Variants in ANKRD36 observed in about 807,000 individuals in gnomAD.
ANKRD36 encodes ankyrin repeat domain-containing protein 36A.
ANKRD36 carries 179 observed loss-of-function variants against 278.1 expected under a neutral mutation model. That is an observed-to-expected ratio of 0.64 (90% confidence interval 0.57 to 0.73). ANKRD36 has a LOEUF of 0.73. ANKRD36 is among the 30% of genes least tolerant of loss of function. The probability of loss-of-function intolerance (pLI) is 0.00; values close to 1 mark genes in which losing one functional copy is unlikely to be tolerated. For missense variants in ANKRD36, 1,159 were observed against 1,956.7 expected (o/e 0.59, Z 7.69); for synonymous variants, 320 against 641.1 (o/e 0.50, Z 7.57).
intron 52 of ANKRD36, among the ~76,000 whole-genome samples, chr2:97,207,070 G>A (rs115597547): frequency 0.028 from 4,315 of 151,600 alleles, 259 homozygotes; most frequent in African/African-American, 0.098. Context: ...TCTAATGCTT[G>A]TAGCAGTCTT....
chr2:97,136,912 A>G (rs1559278218), intron 6 of ANKRD36, among the ~76,000 whole-genome samples: 1 of 152,070 alleles, frequency 6.6e-6, no homozygotes, highest in Non-Finnish European at 1.5e-5. Flanking sequence ...CATGTAAGGT[A>G]ACAAATTTTG....
intron 58 of ANKRD36, among the ~76,000 whole-genome samples, chr2:97,212,347 G>C (rs1576097480): frequency 6.6e-6 from 1 of 151,880 alleles, no homozygotes; most frequent in Non-Finnish European, 1.5e-5. Flanking sequence ...ACTACTAGAA[G>C]CAGGAAACTA....
intron 36 of ANKRD36, among the ~76,000 whole-genome samples, chr2:97,192,183 T>C (rs1023141026): frequency 1.5e-4 from 23 of 151,766 alleles, no homozygotes; most frequent in African/African-American, 4.6e-4. Flanking sequence ...GTGGCTAATA[T>C]ATTATCCTGT....
At chr2:97,184,599 C>G (rs1011249378) in intron 28 of ANKRD36, among the ~76,000 whole-genome samples, 2 of 151,600 alleles carry the variant, frequency 1.3e-5, no homozygotes, top group Non-Finnish European at 2.9e-5. Flanking sequence ...GGAGCCATTG[C>G]ATTTTGTATA....
At chr2:97,141,014 G>A (rs201424527) in intron 6 of ANKRD36, among the ~76,000 whole-genome samples, 1 of 151,506 alleles carries the variant, frequency 6.6e-6, no homozygotes, top group African/African-American at 2.4e-5. Context: ...TATGTTCTTC[G>A]TTCACATCAG....
In ANKRD36 at chr2:97,194,659, G is replaced by A; in HGVS notation, c.2450-67G>A. The stretch of plus-strand genomic sequence containing the variant: ...GAGGACAGAGGTTGATGCTAACACT[G>A]TGTGAATGTATGGATAACTTTATCA... On this transcript the variant is annotated intron_variant, in intron 38 of 75. Transcript: ENST00000420699. 3.1e-6 allele frequency: 5 copies of A among 1,590,304 alleles called. No individual in the cohort carries two copies. In the Admixed American group the frequency reaches 7.0e-5, roughly 22 times the overall value.
intron 28 of ANKRD36, among the ~76,000 whole-genome samples, chr2:97,183,872 A>G (rs1388922906): frequency 6.6e-6 from 1 of 151,694 alleles, no homozygotes; most frequent in Non-Finnish European, 1.5e-5. Flanking sequence ...TTGAATTTGG[A>G]TAGAAGAACC....
intron 1 of ANKRD36, among the ~76,000 whole-genome samples, chr2:97,116,582 A>AT (rs1415954016): frequency 1.3e-5 from 2 of 151,750 alleles, no homozygotes; most frequent in African/African-American, 4.8e-5. Flanking sequence ...CCTTATTTTT[A>AT]TTTTTTTGTT....
chr2:97,200,766 G>A (rs1188529789), intron 46 of ANKRD36, among the ~76,000 whole-genome samples: 5 of 151,894 alleles, frequency 3.3e-5, no homozygotes, highest in Non-Finnish European at 5.9e-5. Flanking sequence ...AGCAGTTGAA[G>A]ACATAAGGGG....
At chr2:97,127,713 T>C (rs2038989768) in intron 6 of ANKRD36, among the ~76,000 whole-genome samples, 1 of 152,004 alleles carries the variant, frequency 6.6e-6, no homozygotes, top group South Asian at 2.1e-4. Context: ...CTACTCTCAA[T>C]CTAGTGTAAG....
intron 14 of ANKRD36, among the ~76,000 whole-genome samples, chr2:97,153,123 A>C (rs2046516399): frequency 6.6e-6 from 1 of 152,310 alleles, no homozygotes; most frequent in African/African-American, 2.4e-5. Context: ...GTGCTTGGAG[A>C]ATATCTAAAT....
At chr2:97,197,803 T>G (rs1302222684) in intron 42 of ANKRD36, among the ~76,000 whole-genome samples, 1 of 151,882 alleles carries the variant, frequency 6.6e-6, no homozygotes, top group Non-Finnish European at 1.5e-5. Flanking sequence ...TATCCTTTGG[T>G]GCCAAGACTG....
intron 6 of ANKRD36, among the ~76,000 whole-genome samples, chr2:97,137,626 A>G (rs201443728): frequency 8.5e-5 from 13 of 152,064 alleles, no homozygotes; most frequent in Admixed American, 2.0e-4. Context: ...ATGCCCAGTA[A>G]TGGGATTACT....
chr2:97,120,386 T>C (rs1470938319), intron 3 of ANKRD36, among the ~76,000 whole-genome samples: 5 of 127,572 alleles, frequency 3.9e-5, no homozygotes, highest in Non-Finnish European at 8.9e-5. Flanking sequence ...TTAGTAAGAA[T>C]ACAAAGAATA....
intron 32 of ANKRD36, among the ~76,000 whole-genome samples, chr2:97,188,371 T>A (rs1040661540): frequency 1.3e-5 from 2 of 151,506 alleles, no homozygotes; most frequent in African/African-American, 4.8e-5. Flanking sequence ...TGTAGAAGTA[T>A]GTCAAAATTG....
In ANKRD36 at chr2:97,192,196, T is replaced by G. The variant is rs1244684447; in HGVS notation, c.2348-662T>G. ...TTGTGGCTAATATATTATCCTGTGGTGCCATGAGTGGATGAAGAAACTTTA... is the reference window on the plus strand; with the variant it reads ...TTGTGGCTAATATATTATCCTGTGGGGCCATGAGTGGATGAAGAAACTTTA... On this transcript the variant is annotated intron_variant, in intron 36 of 75. Transcript: ENST00000420699. Among the ~76,000 whole-genome samples, 127 of 150,526 alleles carry G rather than the reference T, an allele frequency of 8.4e-4. No individual in the cohort carries two copies. In the East Asian group the frequency reaches 0.016, roughly 19 times the overall value.
chr2:97,231,885 A>C (rs1417569940), intron 67 of ANKRD36, among the ~76,000 whole-genome samples: 4 of 152,112 alleles, frequency 2.6e-5, no homozygotes, highest in African/African-American at 7.2e-5. Context: ...AAAGCACTCA[A>C]GTGTACACTG....
At chr2:97,183,701 G>C (rs2056779627) in intron 28 of ANKRD36, 47 bp downstream of exon 28, 14 of 1,528,032 alleles carry the variant, frequency 9.2e-6, no homozygotes, top group Non-Finnish European at 1.2e-5. Flanking sequence ...CAAGACAGAA[G>C]AGAACGTCCC....
chr2:97,179,645 A>C (rs1225093462), intron 22 of ANKRD36, 93 bp from the exon 23 acceptor site: 1 of 1,540,556 alleles, frequency 6.5e-7, no homozygotes. Context: ...CAGGAGTACA[A>C]AACTTGATGC....
Sources: allele counts gnomAD v4.1 joint callset (sites outside exome capture counted in the v4.1 genomes callset), GRCh38; gene constraint gnomAD v4.1.1; transcripts MANE v1.5; gene names NCBI Gene and HGNC (gene_info 2026-07-23, HGNC 2026-07-21).